The following ATRNL1 variants were observed in gnomAD, a reference collection of about 807,000 sequenced individuals.
ATRNL1 encodes attractin like 1, also known as attractin-like protein 1.
In ATRNL1, 95 loss-of-function variants were observed where a neutral mutation model predicts 182.7. The observed-to-expected ratio is 0.52, with a 90% CI of 0.44 to 0.62. ATRNL1 has a LOEUF of 0.62. Among genes scored for constraint, ATRNL1 ranks in the 20% least tolerant of loss-of-function variants. ATRNL1 has a pLI of 0.00. For missense variants in ATRNL1, 1,471 were observed against 1,679.5 expected (o/e 0.88, Z 2.17); for synonymous variants, 576 against 568.3 (o/e 1.01, Z -0.19).
intron 27 of ATRNL1, among the ~76,000 whole-genome samples, chr10:115,821,307 G>T (rs1393722661): frequency 1.3e-5 from 2 of 152,106 alleles, no homozygotes; most frequent in Non-Finnish European, 2.9e-5. Flanking sequence ...TCATTATGAT[G>T]CTAGCTGGTT....
intron 27 of ATRNL1, among the ~76,000 whole-genome samples, chr10:115,766,741 G>T (rs898399122): frequency 9.2e-5 from 14 of 152,094 alleles, no homozygotes; most frequent in Admixed American, 8.5e-4. Context: ...ATTTTTCTTC[G>T]TTAAAATATC....
chr10:115,316,610 T>C (rs1854313738), intron 18 of ATRNL1, among the ~76,000 whole-genome samples: 1 of 152,232 alleles, frequency 6.6e-6, no homozygotes, highest in African/African-American at 2.4e-5. Flanking sequence ...CCATTCTGAC[T>C]AGTGTGAGAT....
intron 26 of ATRNL1, among the ~76,000 whole-genome samples, chr10:115,715,014 T>C (rs1262197852): frequency 6.6e-6 from 1 of 152,272 alleles, no homozygotes; most frequent in East Asian, 1.9e-4. Flanking sequence ...AGGAAGACGC[T>C]GCAAAGTTTT....
intron 19 of ATRNL1, among the ~76,000 whole-genome samples, chr10:115,384,008 C>T (rs1328216955): frequency 6.6e-6 from 1 of 151,636 alleles, no homozygotes; most frequent in Non-Finnish European, 1.5e-5. Flanking sequence ...TATTATTTTG[C>T]GTTTATAAAT....
chr10:115,854,584 C>T (rs1157624890), intron 28 of ATRNL1, among the ~76,000 whole-genome samples: 1 of 152,228 alleles, frequency 6.6e-6, no homozygotes, highest in Non-Finnish European at 1.5e-5. Context: ...TGCTGAGCAG[C>T]AGCATCTCAA....
rs781937627 is a variant in ATRNL1 at position 115,713,697 on chromosome 10, C to CTAT, written c.3796-13550_3796-13548dup. Among the ~76,000 whole-genome samples the CTAT allele has an allele frequency of 8.7e-3, 993 of 113,940 alleles. 7 individuals carry two copies. Among genetic ancestry groups the CTAT allele is most frequent in the Middle Eastern group, 0.018 (4 of 228 alleles). 74.7% of individuals were successfully genotyped at this position (113,940 alleles called of 152,430 possible). The stretch of plus-strand genomic sequence containing the variant: ...GTTTTCTATCTATCTATCTATCTAT[C>CTAT]TATCTATCATCTATCTATCTATCTA... On this transcript the variant is annotated intron_variant, in intron 26 of 28. Transcript: ENST00000355044.
chr10:115,555,708 T>C (rs1411707391), intron 26 of ATRNL1, among the ~76,000 whole-genome samples: 2 of 151,946 alleles, frequency 1.3e-5, no homozygotes, highest in Non-Finnish European at 2.9e-5. Context: ...ATAGTTTGTA[T>C]GATGTTTCTA....
intron 27 of ATRNL1, among the ~76,000 whole-genome samples, chr10:115,822,301 G>A (rs1207703180): frequency 5.3e-5 from 8 of 152,268 alleles, no homozygotes; most frequent in African/African-American, 1.7e-4. Context: ...GAAATTTATA[G>A]CACTAAATGC....
intron 26 of ATRNL1, among the ~76,000 whole-genome samples, chr10:115,608,320 A>G (rs1277366296): frequency 6.6e-6 from 1 of 152,050 alleles, no homozygotes; most frequent in Admixed American, 6.6e-5. Context: ...AAAACGTACA[A>G]TTCAGAAATC....
chr10:115,728,127 AG>A (rs373356753), intron 27 of ATRNL1, among the ~76,000 whole-genome samples: 153 of 67,568 alleles, frequency 2.3e-3, no homozygotes, highest in Middle Eastern at 7.5e-3. Flanking sequence ...AAAAAAAAAA[AG>A]AAAAAAAAAA....
intron 19 of ATRNL1, among the ~76,000 whole-genome samples, chr10:115,357,889 T>G (rs1373579089): frequency 6.6e-6 from 1 of 151,694 alleles, no homozygotes; most frequent in Non-Finnish European, 1.5e-5. Context: ...TTATTTTAAA[T>G]ATATTCTCTC....
At chr10:115,573,816 T>C (rs1419388875) in intron 26 of ATRNL1, among the ~76,000 whole-genome samples, 1 of 152,164 alleles carries the variant, frequency 6.6e-6, no homozygotes, top group Non-Finnish European at 1.5e-5. Flanking sequence ...GTTAGGATGT[T>C]ATTAAAAGTC....
intron 26 of ATRNL1, among the ~76,000 whole-genome samples, chr10:115,709,424 C>A (rs1285536625): frequency 6.6e-6 from 1 of 151,796 alleles, no homozygotes; most frequent in East Asian, 1.9e-4. Context: ...ATGATTGACA[C>A]AAATGTAGTT....
intron 17 of ATRNL1, among the ~76,000 whole-genome samples, chr10:115,305,304 G>A (rs1264374350): frequency 1.3e-5 from 2 of 152,116 alleles, no homozygotes; most frequent in East Asian, 1.9e-4. Context: ...ACACAATGCA[G>A]GCTGGAATCC....
chr10:115,623,977 G>A (rs2133812310), intron 26 of ATRNL1, among the ~76,000 whole-genome samples: 1 of 152,030 alleles, frequency 6.6e-6, no homozygotes, highest in Admixed American at 6.5e-5. Flanking sequence ...TTTTTAAATT[G>A]TAAAAAAAAT....
intron 27 of ATRNL1, among the ~76,000 whole-genome samples, chr10:115,834,223 G>T (rs1285995964): frequency 6.6e-6 from 1 of 152,046 alleles, no homozygotes; most frequent in Non-Finnish European, 1.5e-5. Flanking sequence ...TATTCTACTG[G>T]CATCCCATTA....
chr10:115,212,060 C>G (rs1157942810), intron 8 of ATRNL1, among the ~76,000 whole-genome samples: 2 of 151,246 alleles, frequency 1.3e-5, no homozygotes, highest in Non-Finnish European at 2.9e-5. Context: ...GGGGGTGAAT[C>G]TCAATGCAGG....
intron 20 of ATRNL1, among the ~76,000 whole-genome samples, chr10:115,417,467 G>T (rs2134362012): frequency 6.6e-6 from 1 of 152,234 alleles, no homozygotes; most frequent in African/African-American, 2.4e-5. Context: ...CACATCCTGA[G>T]GGATCCAGTC....
At position 115,712,698 on chromosome 10, in the gene ATRNL1, T is replaced by A. The variant is rs372624271; in HGVS notation, c.3796-14550T>A. ...CCTGGCCAACATGGTGCAAACACTG[T>A]CTCTACTAAAAGTACACAGATTAGC... On this transcript the variant is annotated intron_variant, in intron 26 of 28. Transcript: ENST00000355044. Among the ~76,000 whole-genome samples the A allele has an allele frequency of 2.6e-4, 39 of 151,912 alleles. 1 individual carries two copies. Among genetic ancestry groups the A allele is most frequent in the East Asian group, 1.8e-3 (9 of 5,124 alleles).
Sources: allele counts gnomAD v4.1 joint callset (sites outside exome capture counted in the v4.1 genomes callset), GRCh38; gene constraint gnomAD v4.1.1; transcripts MANE v1.5; gene names NCBI Gene and HGNC (gene_info 2026-07-23, HGNC 2026-07-21).